The following PDE4B variants were observed in gnomAD, a reference collection of about 807,000 sequenced individuals.
PDE4B encodes 3',5'-cyclic-AMP phosphodiesterase 4B.
Under a neutral mutation model 82.2 loss-of-function variants are expected in PDE4B, and 20 were observed. That is an observed-to-expected ratio of 0.24 (90% CI 0.17 to 0.35). The LOEUF (loss-of-function observed/expected upper bound fraction) is 0.35. PDE4B is among the 10% of genes least tolerant of loss of function. PDE4B has a pLI of 1.00. For synonymous variants in PDE4B, 320 were observed against 318.9 expected (o/e 1.00, Z -0.04); for missense variants, 655 against 907.2 (o/e 0.72, Z 3.57).
chr1:65,838,032 A>G (rs981380700), intron 1 of PDE4B, among the ~76,000 whole-genome samples: 4 of 152,228 alleles, frequency 2.6e-5, no homozygotes, highest in Non-Finnish European at 5.9e-5. Context: ...CACTTTGGAT[A>G]TAAAACATCA....
chr1:66,106,633 T>A (rs921440693), intron 3 of PDE4B, among the ~76,000 whole-genome samples: 11 of 151,826 alleles, frequency 7.2e-5, no homozygotes, highest in African/African-American at 2.4e-4. Flanking sequence ...ATTGGTGTAT[T>A]CAGAGATTCA....
intron 7 of PDE4B, among the ~76,000 whole-genome samples, chr1:66,327,312 C>G (rs2101903588): frequency 6.6e-6 from 1 of 152,250 alleles, no homozygotes; most frequent in East Asian, 1.9e-4. Context: ...AAGAATGTTG[C>G]TCAGCAGTTT....
chr1:66,347,713 A>G (rs1661508824), intron 8 of PDE4B, among the ~76,000 whole-genome samples: 1 of 152,196 alleles, frequency 6.6e-6, no homozygotes, highest in African/African-American at 2.4e-5. Context: ...ACTAGCTGAA[A>G]TCAATACAAT....
chr1:66,339,033 A>G (rs1376181109), intron 8 of PDE4B, among the ~76,000 whole-genome samples: 1 of 151,154 alleles, frequency 6.6e-6, no homozygotes, highest in Non-Finnish European at 1.5e-5. Context: ...AAAAAAAAAA[A>G]AAAAGAGATA....
At chr1:66,154,913 C>T (rs1307965647) in intron 3 of PDE4B, among the ~76,000 whole-genome samples, 1 of 152,154 alleles carries the variant, frequency 6.6e-6, no homozygotes, top group African/African-American at 2.4e-5. Flanking sequence ...TGTAGGCTGG[C>T]ACAGTGTGTA....
chr1:66,209,776 A>G (rs769759817), intron 3 of PDE4B, among the ~76,000 whole-genome samples: 9 of 152,190 alleles, frequency 5.9e-5, no homozygotes, highest in South Asian at 2.1e-4. Flanking sequence ...GGAATAGTAC[A>G]GTATATACTC....
At chr1:65,847,767 T>C (rs746573518) in intron 1 of PDE4B, among the ~76,000 whole-genome samples, 6 of 152,190 alleles carry the variant, frequency 3.9e-5, no homozygotes, top group Non-Finnish European at 7.3e-5. Context: ...TTCTTTAGTA[T>C]ACTATCATCA....
chr1:66,263,017 G>T (rs953879321), intron 6 of PDE4B, among the ~76,000 whole-genome samples: 2 of 152,192 alleles, frequency 1.3e-5, no homozygotes, highest in African/African-American at 4.8e-5. Context: ...AAAGGTGTAA[G>T]ATAAAATTAT....
rs111618463 is a variant in PDE4B, at chr1:66,282,171, T to A, written c.634+16084T>A. Among the ~76,000 whole-genome samples the A allele has an allele frequency of 2.6e-3, 401 of 152,342 alleles. 3 individuals carry two copies. The highest frequency in any genetic ancestry group is 8.6e-3 in the African/African-American group (356 of 41,582). ...CTTCAGCAACATTTAATCTGTTTTT[T>A]TTTCCTCCAGATTCTAGAACTAGAG... is the stretch of plus-strand genomic sequence containing the variant. On this transcript the variant is annotated intron_variant, in intron 7 of 16. Transcript: ENST00000341517.
intron 2 of PDE4B, among the ~76,000 whole-genome samples, chr1:65,915,838 T>C (rs1165356296): frequency 6.6e-6 from 1 of 152,206 alleles, no homozygotes. Flanking sequence ...AATCCAAAAC[T>C]ACGTTGTTTC....
chr1:66,323,741 A>G (rs563978830), intron 7 of PDE4B, among the ~76,000 whole-genome samples: 59 of 152,334 alleles, frequency 3.9e-4, no homozygotes, highest in Non-Finnish European at 7.8e-4. Flanking sequence ...ACTGGGGCAC[A>G]GAGAAGTAAC....
chr1:66,022,178 A>G (rs1396662096), intron 3 of PDE4B, among the ~76,000 whole-genome samples: 1 of 152,222 alleles, frequency 6.6e-6, no homozygotes, highest in Admixed American at 6.5e-5. Context: ...GACTTTGCTG[A>G]AGTTGCTTAT....
At chr1:66,059,930 G>C (rs954618995) in intron 3 of PDE4B, among the ~76,000 whole-genome samples, 22 of 152,072 alleles carry the variant, frequency 1.4e-4, no homozygotes, top group Admixed American at 1.4e-3. Flanking sequence ...TGGCCAAAAT[G>C]GCAGTAACCA....
At chr1:66,258,111 A>G (rs1654389155) in intron 6 of PDE4B, among the ~76,000 whole-genome samples, 1 of 152,226 alleles carries the variant, frequency 6.6e-6, no homozygotes, top group African/African-American at 2.4e-5. Flanking sequence ...GAAATTCACA[A>G]ATGAAAGAAC....
intron 1 of PDE4B, among the ~76,000 whole-genome samples, chr1:65,826,005 T>G (rs1407180702): frequency 1.3e-5 from 2 of 152,228 alleles, no homozygotes; most frequent in Non-Finnish European, 2.9e-5. Flanking sequence ...TAAGATATTC[T>G]GTATTCAACG....
At chr1:65,958,760 G>A (rs1166949834) in intron 3 of PDE4B, among the ~76,000 whole-genome samples, 6 of 149,082 alleles carry the variant, frequency 4.0e-5, no homozygotes, top group East Asian at 3.9e-4. Flanking sequence ...GCGCGCGCGC[G>A]CGCGCACACA....
intron 3 of PDE4B, among the ~76,000 whole-genome samples, chr1:66,027,317 A>G (rs1014233707): frequency 1.3e-5 from 2 of 152,154 alleles, no homozygotes; most frequent in Non-Finnish European, 2.9e-5. Context: ...TGTGAAACTT[A>G]TTCCCTATCA....
chr1:66,015,677 G>T (rs1039944552), intron 3 of PDE4B, among the ~76,000 whole-genome samples: 2 of 152,136 alleles, frequency 1.3e-5, no homozygotes, highest in African/African-American at 4.8e-5. Context: ...AGGCCAGTGA[G>T]GCTGATGCTC....
intron 3 of PDE4B, among the ~76,000 whole-genome samples, chr1:65,962,339 T>C (rs1649586423): frequency 6.6e-6 from 1 of 152,154 alleles, no homozygotes; most frequent in African/African-American, 2.4e-5. Context: ...AGGTGCTACT[T>C]TGCCAGGCAG....
Sources: gnomAD v4.1 joint callset for allele counts (sites outside exome capture counted in the v4.1 genomes callset) on GRCh38, gnomAD v4.1.1 for gene constraint, MANE v1.5 for transcripts, NCBI Gene and HGNC (gene_info 2026-07-23, HGNC 2026-07-21) for gene names.